CAMSAP2: variants seen among roughly 807,000 people sequenced by gnomAD.
The protein encoded by CAMSAP2 is calmodulin-regulated spectrin-associated protein 2.
In CAMSAP2, 26 loss-of-function variants were observed where a neutral mutation model predicts 146.1. The ratio of observed to expected loss-of-function variants is 0.18; its 90% CI spans 0.13 to 0.25. The LOEUF is 0.25. CAMSAP2 is among the 10% of genes least tolerant of loss of function. The pLI is 1.00. For synonymous variants in CAMSAP2, 499 were observed against 596.6 expected (o/e 0.84, Z 2.38); for missense variants, 1,381 against 1,759.3 (o/e 0.78, Z 3.85).
chr1:200,781,235 A>G (rs1415549773), intron 2 of CAMSAP2, among the ~76,000 whole-genome samples: 1 of 152,244 alleles, frequency 6.6e-6, no homozygotes, highest in Non-Finnish European at 1.5e-5. Context: ...ACACAAACAT[A>G]CTTTGAAGTA....
Position 200,849,836 on chromosome 1 carries a change from G to A in CAMSAP2, c.3067G>A (p.Gly1023Arg). Reference sequence around the variant, plus strand: ...TCAAACTAGGTCATTTGTATGTTTTGGGGATGATGGAGAACCTCAGTTAAA... The same window carrying A: ...TCAAACTAGGTCATTTGTATGTTTTAGGGATGATGGAGAACCTCAGTTAAA... ...PIQTRSFVCFGDDGEPQLKES... is the reference protein window; with the variant it reads ...PIQTRSFVCFRDDGEPQLKES... Residue 1023 changes from glycine to arginine, a missense_variant, in exon 11 of 17, where the codon GGG becomes AGG. This residue lies in a region of CAMSAP2 where 560 missense variants were observed against 715.9 expected (regional missense o/e 0.78). Transcript: ENST00000358823. The surrounding 1 kb of genome is among the most constrained non-coding windows in gnomAD (Gnocchi z 6.3). 6.2e-7 allele frequency: 1 copy of A among 1,614,096 alleles called. No individual in the cohort carries two copies. Among genetic ancestry groups the A allele is most frequent in the African/African-American group, 1.3e-5 (1 of 75,008 alleles).
In CAMSAP2 at chr1:200,816,862, G is replaced by A. The variant is rs1285143319; in HGVS notation, c.645+1218G>A. Reference sequence around the variant, plus strand: ...TATGTGTGTACACACACACGCGTGTGTATGTGTGTACACACACACGCGTGT... The same window carrying A: ...TATGTGTGTACACACACACGCGTGTATATGTGTGTACACACACACGCGTGT... On this transcript the variant is annotated intron_variant, in intron 4 of 16. Transcript: ENST00000358823. 5.4e-4 allele frequency among the ~76,000 whole-genome samples: 34 copies of A among 62,790 alleles called. 1 individual carries two copies. The highest frequency in any genetic ancestry group is 1.4e-3 in the Admixed American group (9 of 6,424). The allele number at this position is 62,790 out of a possible 152,430, so 41.2% of individuals were successfully genotyped here. A position where few individuals can be genotyped will look rare whatever the true frequency, so the allele number is the denominator to read the frequency against.
rs1327294108 is a variant in CAMSAP2 at position 200,847,721 on chromosome 1, G to T, written c.1262+12G>T. 2 of 1,598,808 alleles carry T rather than the reference G, an allele frequency of 1.3e-6. No homozygotes were observed. Among genetic ancestry groups the T allele is most frequent in the African/African-American group, 1.3e-5 (1 of 74,664 alleles). ...CCCAAAGAGAAAAGGTAAACAAAGA[G>T]AATTACTTTTAGTGTATTCAGATTA... On this transcript the variant is annotated intron_variant, in intron 10 of 16. Coordinates refer to ENST00000358823, the MANE Select transcript of CAMSAP2 (RefSeq NM_203459.4).
chr1:200,850,248 C>A lies in CAMSAP2; in HGVS notation c.3465+14C>A. 1 of 1,542,086 alleles carries A rather than the reference C, an allele frequency of 6.5e-7. No homozygotes were observed. The highest frequency in any genetic ancestry group is 8.7e-7 in the Non-Finnish European group (1 of 1,148,726). ...TTCTTTTTTAAGGTGTAGTATTAATCTGCATAGTTTTGGGCATCTTCATTA... is the reference window on the plus strand; with the variant it reads ...TTCTTTTTTAAGGTGTAGTATTAATATGCATAGTTTTGGGCATCTTCATTA... On this transcript the variant is annotated intron_variant, in intron 11 of 16. Coordinates refer to ENST00000358823, the MANE Select transcript of CAMSAP2 (RefSeq NM_203459.4).
In CAMSAP2 at chr1:200,857,200, T is replaced by C; in HGVS notation, c.4013-106T>C. 1.2e-6 allele frequency: 1 copy of C among 827,970 alleles called. No individual in the cohort carries two copies. The allele number at this position is 827,970 out of a possible 1,614,324, so 51.3% of individuals were successfully genotyped here. ...CCTTTAAGCACAGAATTTGGTCTTC[T>C]ATTACAATATTTCAGCAGTGTAGGA... On this transcript the variant is annotated intron_variant, in intron 15 of 16. Coordinates refer to ENST00000358823, the MANE Select transcript of CAMSAP2 (RefSeq NM_203459.4). The surrounding 1 kb of genome is among the most constrained non-coding windows in gnomAD (Gnocchi z 4.7).
chr1:200,831,519 T>C (rs1282004886), intron 4 of CAMSAP2, among the ~76,000 whole-genome samples: 1 of 152,194 alleles, frequency 6.6e-6, no homozygotes, highest in Admixed American at 6.5e-5. Flanking sequence ...TTAAAAATTC[T>C]ATCTAGCCAC....
intron 3 of CAMSAP2, among the ~76,000 whole-genome samples, chr1:200,809,661 G>C (rs1666273715): frequency 6.6e-6 from 1 of 152,220 alleles, no homozygotes; most frequent in Non-Finnish European, 1.5e-5. Flanking sequence ...AACCTGGGAG[G>C]CGGAGGTTGC....
At chr1:200,750,765 C>T (rs1226347164) in intron 1 of CAMSAP2, among the ~76,000 whole-genome samples, 4 of 151,928 alleles carry the variant, frequency 2.6e-5, no homozygotes, top group Admixed American at 6.6e-5. Context: ...GCTGGGATTA[C>T]AGGTGACTGC....
At chr1:200,793,809 T>TC in intron 2 of CAMSAP2, among the ~76,000 whole-genome samples, 1 of 152,318 alleles carries the variant, frequency 6.6e-6, no homozygotes, top group African/African-American at 2.4e-5. Flanking sequence ...TAATTAGCAC[T>TC]ACATTAAGGT....
chr1:200,753,212 T>G (rs1664557506), intron 1 of CAMSAP2, among the ~76,000 whole-genome samples: 1 of 150,566 alleles, frequency 6.6e-6, no homozygotes, highest in Non-Finnish European at 1.5e-5. Context: ...GCAGGAGAAT[T>G]GCTTGAACCT....
At chr1:200,770,883 A>C (rs1665097531) in intron 2 of CAMSAP2, among the ~76,000 whole-genome samples, 1 of 152,188 alleles carries the variant, frequency 6.6e-6, no homozygotes, top group African/African-American at 2.4e-5. Flanking sequence ...CTTAGTGGAA[A>C]GAGGTGTAGA....
intron 1 of CAMSAP2, among the ~76,000 whole-genome samples, chr1:200,751,753 C>T (rs574649180): frequency 4.6e-5 from 7 of 152,146 alleles, no homozygotes; most frequent in East Asian, 1.9e-4. Context: ...CTGGAAGTCA[C>T]GCAAGAGGTA....
At chr1:200,791,888 C>T (rs1399313663) in intron 2 of CAMSAP2, among the ~76,000 whole-genome samples, 3 of 152,036 alleles carry the variant, frequency 2.0e-5, no homozygotes, top group Non-Finnish European at 4.4e-5. Flanking sequence ...ATCGCTTGAA[C>T]CCAGGAGGCA....
intron 2 of CAMSAP2, among the ~76,000 whole-genome samples, chr1:200,777,535 C>T (rs145995357): frequency 3.0e-4 from 46 of 152,168 alleles, no homozygotes; most frequent in African/African-American, 1.1e-3. Flanking sequence ...TGCTCAACAA[C>T]ACTTTTATCT....
chr1:200,832,629 C>G lies in CAMSAP2; in HGVS notation c.788-77C>G. ...TGTTAACCAGAATTGTGTATTTGTA[C>G]TAATTACAAGATGGATATGAAATAT... On this transcript the variant is annotated intron_variant, in intron 5 of 16. Coordinates refer to ENST00000358823, the MANE Select transcript of CAMSAP2 (RefSeq NM_203459.4). This position sits in a 1 kb window ranked among gnomAD's most constrained non-coding sequence, Gnocchi z 4.2. 8.3e-7 allele frequency: 1 copy of G among 1,203,398 alleles called. No homozygotes were observed. Among genetic ancestry groups the G allele is most frequent in the Non-Finnish European group, 1.1e-6 (1 of 871,334 alleles). 74.5% of individuals were successfully genotyped at this position (1,203,398 alleles called of 1,614,324 possible).
chr1:200,817,129 T>C (rs1231579227), intron 4 of CAMSAP2, among the ~76,000 whole-genome samples: 2 of 139,150 alleles, frequency 1.4e-5, no homozygotes, highest in Non-Finnish European at 3.2e-5. Flanking sequence ...TATACACGTA[T>C]ATATGTGTAT....
chr1:200,845,924 T>C (rs1571825842), intron 8 of CAMSAP2, among the ~76,000 whole-genome samples: 1 of 152,176 alleles, frequency 6.6e-6, no homozygotes, highest in Non-Finnish European at 1.5e-5. Flanking sequence ...CACCCAGGTA[T>C]ATGATAGGGA....
chr1:200,758,608 C>A (rs1054535708), intron 1 of CAMSAP2, among the ~76,000 whole-genome samples: 1 of 152,212 alleles, frequency 6.6e-6, no homozygotes, highest in African/African-American at 2.4e-5. Context: ...CCACTCTTGA[C>A]CTCTTTCCAG....
chr1:200,813,357 G>A lies in CAMSAP2; in HGVS notation c.562-2204G>A, dbSNP rs943146596. On this transcript the variant is annotated intron_variant, in intron 3 of 16. Coordinates refer to ENST00000358823, the MANE Select transcript of CAMSAP2 (RefSeq NM_203459.4). ...TAAGTTTCAAATATGAACTCTGGGG[G>A]GCAAACATTTAGACCAAAGCGAAGG... Among the ~76,000 whole-genome samples, 5 of 152,162 alleles carry A rather than the reference G, an allele frequency of 3.3e-5. No homozygotes were observed. The East Asian group carries it at 9.6e-4, about 29-fold the overall frequency.
Sources: gnomAD v4.1 joint callset for allele counts (sites outside exome capture counted in the v4.1 genomes callset) on GRCh38, gnomAD v4.1.1 for gene constraint, gnomAD v4.1.1 regional missense constraint, Gnocchi (gnomAD v3.1) non-coding constraint, MANE v1.5 for transcripts, NCBI Gene and HGNC (gene_info 2026-07-23, HGNC 2026-07-21) for gene names.